The following SLC10A7 variants were observed in gnomAD, a reference collection of about 807,000 sequenced individuals.
SLC10A7 encodes solute carrier family 10 member 7.
A neutral mutation model predicts 43.2 loss-of-function variants in SLC10A7; 29 were observed. The ratio of observed to expected loss-of-function variants is 0.67; its 90% CI spans 0.50 to 0.92. The LOEUF (loss-of-function observed/expected upper bound fraction) is 0.92. Among genes scored for constraint, SLC10A7 ranks in the 40% least tolerant of loss-of-function variants. The pLI, the probability that SLC10A7 is intolerant of heterozygous loss-of-function variation, is 0.00. For synonymous variants in SLC10A7, 152 were observed against 144.8 expected (o/e 1.05, Z -0.35); for missense variants, 295 against 403.2 (o/e 0.73, Z 2.30).
chr4:146,469,636 T>G (rs1422694659), intron 4 of SLC10A7, among the ~76,000 whole-genome samples: 1 of 152,064 alleles, frequency 6.6e-6, no homozygotes, highest in African/African-American at 2.4e-5. Context: ...CAAAGATTAT[T>G]TATTTATGTA....
At position 146,394,794 on chromosome 4, in the gene SLC10A7, T is replaced by C. The variant is rs566692588; in HGVS notation, c.435+47989A>G. On this transcript the variant is annotated intron_variant, in intron 5 of 11. Transcript: ENST00000335472. ...GAAGACATTGGAAAAGATTCAAGTA[T>C]ATCTTTCTTCTGAGTCCTTTTTCTC... 3.9e-5 allele frequency among the ~76,000 whole-genome samples: 6 copies of C among 152,300 alleles called. No homozygotes were observed. In the East Asian group the frequency reaches 9.6e-4, roughly 24 times the overall value.
At chr4:146,281,531 G>A (rs1729557059) in intron 10 of SLC10A7, among the ~76,000 whole-genome samples, 1 of 152,048 alleles carries the variant, frequency 6.6e-6, no homozygotes, top group South Asian at 2.1e-4. Flanking sequence ...TAAGGATACA[G>A]GCTCATTCGA....
chr4:146,325,635 C>G (rs1733050834), intron 6 of SLC10A7, among the ~76,000 whole-genome samples: 1 of 152,098 alleles, frequency 6.6e-6, no homozygotes, highest in African/African-American at 2.4e-5. Context: ...AACACTGGGT[C>G]ACTATCAATC....
At chr4:146,442,752 G>A (rs1311997001) in intron 5 of SLC10A7, 31 bp downstream of exon 5, 1 of 1,599,548 alleles carries the variant, frequency 6.3e-7, no homozygotes, top group South Asian at 1.1e-5. Flanking sequence ...AGCAAAAGTT[G>A]TAATAGACAA....
chr4:146,426,399 C>T (rs1729357383), intron 5 of SLC10A7, among the ~76,000 whole-genome samples: 3 of 152,116 alleles, frequency 2.0e-5, no homozygotes, highest in Non-Finnish European at 4.4e-5. Context: ...AAAACTTAGG[C>T]CAGGTGCTGT....
chr4:146,298,307 A>C lies in SLC10A7; in HGVS notation c.556-4212T>G, dbSNP rs1730921744. Reference sequence around the variant, plus strand: ...TGTTTCTATCACTGTTTATCAGTACACCTCACTGTTACTTTTCTCTCAAAG... The same window carrying C: ...TGTTTCTATCACTGTTTATCAGTACCCCTCACTGTTACTTTTCTCTCAAAG... On this transcript the variant is annotated intron_variant, in intron 7 of 11. Coordinates refer to ENST00000335472, the MANE Select transcript of SLC10A7 (RefSeq NM_001029998.6). Among the ~76,000 whole-genome samples the C allele has an allele frequency of 1.3e-5, 2 of 152,180 alleles. 1 individual carries two copies. The highest frequency in any genetic ancestry group is 1.3e-4 in the Admixed American group (2 of 15,272).
intron 5 of SLC10A7, among the ~76,000 whole-genome samples, chr4:146,404,498 G>C (rs1739441867): frequency 6.6e-6 from 1 of 151,902 alleles, no homozygotes. Context: ...GTGTGTGTGT[G>C]TGTGTGTGTG....
chr4:146,390,972 T>C (rs1315969294), intron 5 of SLC10A7, among the ~76,000 whole-genome samples: 1 of 152,188 alleles, frequency 6.6e-6, no homozygotes, highest in African/African-American at 2.4e-5. Flanking sequence ...AAATTAACTT[T>C]GATCTGTTTT....
rs1730620468 is a variant in SLC10A7 at position 146,294,084 on chromosome 4, T to C, written c.567A>G (p.Arg189=). 3 of 1,603,078 alleles carry C rather than the reference T, an allele frequency of 1.9e-6. No homozygotes were observed. The highest frequency in any genetic ancestry group is 2.2e-5 in the South Asian group (2 of 88,950). Residue 189 remains arginine (R), a synonymous_variant, in exon 8 of 12, where the codon AGA becomes AGG. Transcript: ENST00000335472. The stretch of plus-strand genomic sequence containing the variant: ...TTCTCTCAAGCCAATCCTTGATGTA[T>C]CTTCGGACAATCTGAAATACAGAGA... ...VPLIIGQIVR[R]YIKDWLERKK...
chr4:146,493,086 G>A (rs1735596634), intron 4 of SLC10A7, among the ~76,000 whole-genome samples: 1 of 152,164 alleles, frequency 6.6e-6, no homozygotes, highest in African/African-American at 2.4e-5. Context: ...AAATACATGT[G>A]TAATTAGCAT....
chr4:146,366,439 T>C (rs1736396979), intron 5 of SLC10A7, among the ~76,000 whole-genome samples: 5 of 152,178 alleles, frequency 3.3e-5, no homozygotes, highest in African/African-American at 1.2e-4. Flanking sequence ...ACTTGCAGTT[T>C]TTCTCTAGTC....
At chr4:146,282,530 A>C (rs191503846) in intron 10 of SLC10A7, among the ~76,000 whole-genome samples, 1 of 152,274 alleles carries the variant, frequency 6.6e-6, no homozygotes, top group African/African-American at 2.4e-5. Context: ...CTGATTACTT[A>C]ATGACTTTTA....
In SLC10A7 at chr4:146,482,749, T is replaced by A. The variant is rs28865386; in HGVS notation, c.396+21100A>T. Among the ~76,000 whole-genome samples, 840 of 152,154 alleles carry A rather than the reference T, an allele frequency of 5.5e-3. 5 individuals carry two copies. The highest frequency in any genetic ancestry group is 0.016 in the South Asian group (76 of 4,816). ...CATCCATATCTATGAAGCTCAAAGT[T>A]CCCAAATTGATCAAATCCAAAGAAG... On this transcript the variant is annotated intron_variant, in intron 4 of 11. Coordinates refer to ENST00000335472, the MANE Select transcript of SLC10A7 (RefSeq NM_001029998.6).
chr4:146,411,007 G>GT (rs898996888), intron 5 of SLC10A7, among the ~76,000 whole-genome samples: 55 of 151,564 alleles, frequency 3.6e-4, no homozygotes, highest in African/African-American at 1.1e-3. Flanking sequence ...TTTTTGTACT[G>GT]TTTTTTTTAG....
intron 5 of SLC10A7, among the ~76,000 whole-genome samples, chr4:146,375,262 A>T (rs1054383939): frequency 6.6e-6 from 1 of 152,150 alleles, no homozygotes; most frequent in Non-Finnish European, 1.5e-5. Flanking sequence ...ACCAAACAGT[A>T]TGAATAGACA....
chr4:146,290,873 A>ACCAAT (rs1730399937), intron 9 of SLC10A7, among the ~76,000 whole-genome samples: 1 of 152,106 alleles, frequency 6.6e-6, no homozygotes, highest in Non-Finnish European at 1.5e-5. Flanking sequence ...ACCAAACCAA[A>ACCAAT]CCAAACCAAA....
chr4:146,401,747 A>C (rs1739240897), intron 5 of SLC10A7, among the ~76,000 whole-genome samples: 1 of 152,212 alleles, frequency 6.6e-6, no homozygotes, highest in South Asian at 2.1e-4. Flanking sequence ...TGTGGATTCC[A>C]TATGCTTGAA....
At chr4:146,497,613 C>T (rs888753835) in intron 4 of SLC10A7, among the ~76,000 whole-genome samples, 4 of 152,092 alleles carry the variant, frequency 2.6e-5, no homozygotes, top group African/African-American at 9.7e-5. Context: ...TCTCAGCATG[C>T]AAAAGAAGCA....
chr4:146,310,375 T>C (rs1331482218), intron 6 of SLC10A7, among the ~76,000 whole-genome samples: 1 of 152,136 alleles, frequency 6.6e-6, no homozygotes, highest in Non-Finnish European at 1.5e-5. Context: ...TAGTTCTAAG[T>C]TCTTTGAGAA....
Sources: allele counts gnomAD v4.1 joint callset (sites outside exome capture counted in the v4.1 genomes callset), GRCh38; gene constraint gnomAD v4.1.1; transcripts MANE v1.5; gene names NCBI Gene and HGNC (gene_info 2026-07-23, HGNC 2026-07-21).